MCUR1: variants seen among roughly 807,000 people sequenced by gnomAD.
MCUR1 encodes the protein mitochondrial calcium uniporter regulator 1.
In MCUR1, 37 loss-of-function variants were observed where a neutral mutation model predicts 42.0. That is an observed-to-expected ratio of 0.88 (90% CI 0.68 to 1.16). MCUR1 has a LOEUF of 1.16. Ranked by LOEUF, MCUR1 falls within the 50% of genes most tolerant of loss-of-function variation. The pLI is 0.00. For missense variants in MCUR1, 469 were observed against 468.4 expected, an observed-to-expected ratio of 1.00 and a Z score of -0.01; for synonymous variants, 229 against 196.2, an observed-to-expected ratio of 1.17 and a Z score of -1.40.
At chr6:13,796,624 T>C (rs1480996832) in intron 6 of MCUR1, among the ~76,000 whole-genome samples, 2 of 152,164 alleles carry the variant, frequency 1.3e-5, no homozygotes, top group East Asian at 1.9e-4. Flanking sequence ...AAAACTGTAA[T>C]TGTGAAAAAA....
chr6:13,803,870 C>A, intron 2 of MCUR1: 1 of 985,142 alleles, frequency 1.0e-6, no homozygotes, highest in Non-Finnish European at 1.2e-6. Context: ...TGGTGGCTCA[C>A]GCCTGTAATC....
chr6:13,787,002 C>T lies in MCUR1; in HGVS notation c.*3807G>A, dbSNP rs1759619487. ...AGCCAGAACAAATTTGATAAGCTCA[C>T]ATTAAAATCAAAGTTTTCTAGATAT... On this transcript the variant is annotated 3_prime_UTR_variant, in exon 9 of 9. Coordinates refer to ENST00000379170, the MANE Select transcript of MCUR1 (RefSeq NM_001031713.4). The T allele has an allele frequency of 6.6e-6, 1 of 152,182 alleles. No individual in the cohort carries two copies. Among genetic ancestry groups the T allele is most frequent in the Non-Finnish European group, 1.5e-5 (1 of 68,040 alleles). 9.4% of individuals were successfully genotyped at this position (152,182 alleles called of 1,614,324 possible).
intron 7 of MCUR1, among the ~76,000 whole-genome samples, chr6:13,793,284 C>T (rs1375083807): frequency 6.6e-6 from 1 of 152,112 alleles, no homozygotes; most frequent in African/African-American, 2.4e-5. Context: ...CCCAAAAGAA[C>T]TGAAAGCAGG....
intron 6 of MCUR1, among the ~76,000 whole-genome samples, chr6:13,795,863 C>T (rs1759843378): frequency 1.3e-5 from 2 of 152,102 alleles, no homozygotes; most frequent in South Asian, 4.1e-4. Context: ...CAAACACCAC[C>T]TGTTCCCCCA....
intron 2 of MCUR1, among the ~76,000 whole-genome samples, 184 bp downstream of exon 2, chr6:13,806,741 A>G (rs756619745): frequency 2.6e-5 from 4 of 152,174 alleles, no homozygotes; most frequent in Non-Finnish European, 5.9e-5. Context: ...GTGAACCAAG[A>G]CTGCGCCACT....
rs1282238620 is a variant in MCUR1 at position 13,790,661 on chromosome 6, C to T, written c.*148G>A. The T allele has an allele frequency of 2.0e-6, 1 of 505,936 alleles. No individual in the cohort carries two copies. The highest frequency in any genetic ancestry group is 2.0e-5 in the African/African-American group (1 of 49,242). The allele number at this position is 505,936 out of a possible 1,614,324, so 31.3% of individuals were successfully genotyped here. A position where few individuals can be genotyped will look rare whatever the true frequency, so the allele number is the denominator to read the frequency against. ...AGAGACGGGGTTTCACCGTGTTGGC[C>T]AGGCTGGTCTCGAACTCCTGACCTC... On this transcript the variant is annotated 3_prime_UTR_variant, in exon 9 of 9. Coordinates refer to ENST00000379170, the MANE Select transcript of MCUR1 (RefSeq NM_001031713.4).
intron 7 of MCUR1, 49 bp downstream of exon 7, chr6:13,793,845 A>T: frequency 6.6e-7 from 1 of 1,516,894 alleles, no homozygotes; most frequent in East Asian, 2.3e-5. Flanking sequence ...CATGGAACGA[A>T]GCAAAGATGA....
At position 13,788,337 on chromosome 6, in the gene MCUR1, T is replaced by C. The variant is rs372499626; in HGVS notation, c.*2472A>G. 1.3e-5 allele frequency: 2 copies of C among 152,226 alleles called. No individual in the cohort carries two copies. The highest frequency in any genetic ancestry group is 4.8e-5 in the African/African-American group (2 of 41,430). 9.4% of individuals were successfully genotyped at this position (152,226 alleles called of 1,614,324 possible). A position where few individuals can be genotyped will look rare whatever the true frequency, so the allele number is the denominator to read the frequency against. ...TCCTGAGCCCTCCTCTCTCCAGATA[T>C]GCATGCAATCCACACCATCAAAAGA... On this transcript the variant is annotated 3_prime_UTR_variant, in exon 9 of 9. Transcript: ENST00000379170.
In MCUR1 at chr6:13,790,637, G is replaced by C; in HGVS notation, c.*172C>G. On this transcript the variant is annotated 3_prime_UTR_variant, in exon 9 of 9. Coordinates refer to ENST00000379170, the MANE Select transcript of MCUR1 (RefSeq NM_001031713.4). ...CGCCTAATGTTTTAATTTTTTAGTA[G>C]AGACGGGGTTTCACCGTGTTGGCCA... 2.4e-6 allele frequency: 1 copy of C among 424,436 alleles called. No individual in the cohort carries two copies. The highest frequency in any genetic ancestry group is 4.4e-6 in the Non-Finnish European group (1 of 226,394). 26.3% of individuals were successfully genotyped at this position (424,436 alleles called of 1,614,324 possible).
At chr6:13,799,720 T>C (rs1759946357) in intron 5 of MCUR1, among the ~76,000 whole-genome samples, 1 of 152,050 alleles carries the variant, frequency 6.6e-6, no homozygotes, top group Non-Finnish European at 1.5e-5. Context: ...AAAAATCACG[T>C]GTGATTCTCT....
chr6:13,807,202 T>A (rs956600433), intron 1 of MCUR1, among the ~76,000 whole-genome samples, 158 bp from the exon 2 acceptor site: 1 of 152,222 alleles, frequency 6.6e-6, no homozygotes, highest in Non-Finnish European at 1.5e-5. Flanking sequence ...TACAGTTCAA[T>A]AGGTTTTGGC....
At chr6:13,807,160 G>T in intron 1 of MCUR1, 116 bp from the exon 2 acceptor site, 1 of 1,131,070 alleles carries the variant, frequency 8.8e-7, no homozygotes, top group South Asian at 1.9e-5. Context: ...TAACAGCTTC[G>T]TTGAGATATA....
intron 2 of MCUR1, among the ~76,000 whole-genome samples, chr6:13,805,294 A>T (rs1425499302): frequency 1.3e-5 from 2 of 151,944 alleles, no homozygotes; most frequent in Non-Finnish European, 2.9e-5. Flanking sequence ...GCCTGGCCTT[A>T]TCAGCATAAC....
At chr6:13,799,187 AT>A (rs11482576) in intron 5 of MCUR1, among the ~76,000 whole-genome samples, 2,563 of 139,682 alleles carry the variant, frequency 0.018, 57 homozygotes, top group African/African-American at 0.058. Context: ...TGTTGCTGCC[AT>A]TTTTTTTTTT....
At chr6:13,802,580 G>A (rs572331990) in intron 2 of MCUR1, among the ~76,000 whole-genome samples, 23 of 152,212 alleles carry the variant, frequency 1.5e-4, no homozygotes, top group Admixed American at 1.2e-3. Context: ...TCTGTAAGTC[G>A]TTCCTAGCTA....
Position 13,790,866 on chromosome 6 carries a change from T to C in MCUR1, c.1025-2A>G, listed in dbSNP as rs1284799353. ...CTGTTAGGCACGTAAATATAGACCC[T>C]GTAAGAAAAAAACAATTGAGAGTAC... On this transcript the variant is annotated splice_acceptor_variant, in intron 8 of 8. Transcript: ENST00000379170. LOFTEE classifies it high-confidence loss of function. 6.2e-7 allele frequency: 1 copy of C among 1,605,578 alleles called. No individual in the cohort carries two copies. The highest frequency in any genetic ancestry group is 8.5e-7 in the Non-Finnish European group (1 of 1,174,496).
chr6:13,789,722 G>A lies in MCUR1; in HGVS notation c.*1087C>T, dbSNP rs1759681896. On this transcript the variant is annotated 3_prime_UTR_variant, in exon 9 of 9. Transcript: ENST00000379170. The stretch of plus-strand genomic sequence containing the variant: ...GGAAGCAGACTTTGTCCTGCAAACT[G>A]AAGCAAAGTTCCATGCTAAGAATCA... 6.6e-6 allele frequency: 1 copy of A among 152,192 alleles called. No individual in the cohort carries two copies. Among genetic ancestry groups the A allele is most frequent in the Non-Finnish European group, 1.5e-5 (1 of 68,026 alleles). 9.4% of individuals were successfully genotyped at this position (152,192 alleles called of 1,614,324 possible). A position where few individuals can be genotyped will look rare whatever the true frequency, so the allele number is the denominator to read the frequency against.
At chr6:13,799,516 A>G (rs1759941959) in intron 5 of MCUR1, among the ~76,000 whole-genome samples, 1 of 152,140 alleles carries the variant, frequency 6.6e-6, no homozygotes, top group Non-Finnish European at 1.5e-5. Context: ...CTCCTCATAC[A>G]ATCTCCGAAT....
chr6:13,806,658 G>T (rs1450478655), intron 2 of MCUR1, among the ~76,000 whole-genome samples: 2 of 152,210 alleles, frequency 1.3e-5, no homozygotes. Context: ...AGACATGGTG[G>T]TGTGTGCCTG....
Sources: gnomAD v4.1 joint callset for allele counts (sites outside exome capture counted in the v4.1 genomes callset) on GRCh38, gnomAD v4.1.1 for gene constraint, MANE v1.5 for transcripts, NCBI Gene and HGNC (gene_info 2026-07-23, HGNC 2026-07-21) for gene names.